CDC42SE2: variants seen among roughly 807,000 people sequenced by gnomAD.
The protein encoded by CDC42SE2 is CDC42 small effector 2.
In CDC42SE2, 3 loss-of-function variants were observed where a neutral mutation model predicts 11.5. That is an observed-to-expected ratio of 0.26 (90% CI 0.12 to 0.67). The LOEUF (loss-of-function observed/expected upper bound fraction) is 0.67, where lower values mean the gene tolerates loss of function less well. CDC42SE2 is among the 30% of genes least tolerant of loss of function. CDC42SE2 has a pLI of 0.80. For missense variants in CDC42SE2, 82 were observed against 106.8 expected (o/e 0.77, Z 1.02); for synonymous variants, 33 against 34.8 (o/e 0.95, Z 0.18).
chr5:131,330,464 T>A (rs1421465305), intron 2 of CDC42SE2, among the ~76,000 whole-genome samples: 2 of 152,184 alleles, frequency 1.3e-5, no homozygotes, highest in African/African-American at 4.8e-5. Context: ...TCCTTATCCC[T>A]CCCATCTGAA....
intron 4 of CDC42SE2, among the ~76,000 whole-genome samples, chr5:131,389,771 G>A (rs752352096): frequency 3.3e-5 from 5 of 152,162 alleles, no homozygotes; most frequent in Admixed American, 6.5e-5. Context: ...TTGTGGAAGT[G>A]TGCAGGGCCC....
At chr5:131,264,289 CCTTGCCAGCCGCGCGCTGCGGGCTGTG>C in intron 1 of CDC42SE2, 123 bp downstream of exon 1, 1 of 152,408 alleles carries the variant, frequency 6.6e-6, no homozygotes, top group East Asian at 1.9e-4. Context: ...CGCGGCCCGG[CCTTGCCAGCCGCGCGCTGCGGGCTGTG>C]GGCTGAGCCT....
intron 1 of CDC42SE2, among the ~76,000 whole-genome samples, chr5:131,310,482 G>A (rs1646561103): frequency 6.6e-6 from 1 of 152,082 alleles, no homozygotes; most frequent in Admixed American, 6.5e-5. Flanking sequence ...GCAGAGCTGA[G>A]TTCAATTCCT....
Position 131,320,707 on chromosome 5 carries a change from C to T in CDC42SE2, c.-286+4563C>T, listed in dbSNP as rs544633190. Among the ~76,000 whole-genome samples the T allele has an allele frequency of 1.7e-4, 26 of 152,168 alleles. No homozygotes were observed. In the East Asian group the frequency reaches 3.7e-3, roughly 22 times the overall value. Reference sequence around the variant, plus strand: ...AGTGAGCTGAGATTGCGCCACTGCACTCCAGCCTGGGCGACAGAGCGAGAC... The same window carrying T: ...AGTGAGCTGAGATTGCGCCACTGCATTCCAGCCTGGGCGACAGAGCGAGAC... On this transcript the variant is annotated intron_variant, in intron 2 of 4. Transcript: ENST00000505065.
At chr5:131,258,899 C>T (rs1220134692) in intron 2 of CDC42SE2, among the ~76,000 whole-genome samples, 3 of 152,176 alleles carry the variant, frequency 2.0e-5, no homozygotes, top group Admixed American at 2.0e-4. Flanking sequence ...CCACAGCACT[C>T]GGTATGCTAC....
At chr5:131,363,428 G>C (rs1749768399) in intron 3 of CDC42SE2, among the ~76,000 whole-genome samples, 1 of 152,122 alleles carries the variant, frequency 6.6e-6, no homozygotes, top group South Asian at 2.1e-4. Context: ...CTAGGCTGGA[G>C]TGCAATGGTG....
intron 1 of CDC42SE2, among the ~76,000 whole-genome samples, chr5:131,296,488 C>T (rs2149713003): frequency 6.6e-6 from 1 of 152,274 alleles, no homozygotes; most frequent in South Asian, 2.1e-4. Context: ...CTTGCTTTAC[C>T]TTAGCTTCAG....
At chr5:131,331,858 G>C (rs1400273025) in intron 2 of CDC42SE2, among the ~76,000 whole-genome samples, 1 of 152,024 alleles carries the variant, frequency 6.6e-6, no homozygotes, top group East Asian at 1.9e-4. Flanking sequence ...TCTTTTTTGA[G>C]TATGAAAATA....
At chr5:131,384,890 G>A (rs942549160) in intron 3 of CDC42SE2, among the ~76,000 whole-genome samples, 2 of 145,174 alleles carry the variant, frequency 1.4e-5, no homozygotes, top group African/African-American at 5.1e-5. Context: ...GACCAGCCTG[G>A]GTAACATAGC....
At chr5:131,348,029 G>A (rs928919488) in intron 2 of CDC42SE2, among the ~76,000 whole-genome samples, 2 of 152,150 alleles carry the variant, frequency 1.3e-5, no homozygotes, top group Non-Finnish European at 2.9e-5. Flanking sequence ...CACACCCACA[G>A]CCAGTATCAT....
intron 2 of CDC42SE2, among the ~76,000 whole-genome samples, chr5:131,346,792 T>C (rs1001541551): frequency 2.0e-5 from 3 of 152,166 alleles, no homozygotes; most frequent in African/African-American, 4.8e-5. Context: ...ACAGAAATTA[T>C]AACAAACTGT....
chr5:131,217,670 T>C, the CDC42SE2 span, among the ~76,000 whole-genome samples: 1 of 150,990 alleles, frequency 6.6e-6, no homozygotes, highest in East Asian at 2.0e-4. Context: ...AGGCAAAGAG[T>C]TCCCATCTAT....
chr5:131,288,347 G>A (rs1757384045), intron 1 of CDC42SE2, among the ~76,000 whole-genome samples: 1 of 152,114 alleles, frequency 6.6e-6, no homozygotes, highest in Admixed American at 6.6e-5. Context: ...AAAGTTTTGA[G>A]AATGCTAGAA....
chr5:131,361,069 GTTTGT>G (rs1404242328), intron 3 of CDC42SE2, among the ~76,000 whole-genome samples: 2 of 133,048 alleles, frequency 1.5e-5, no homozygotes, highest in African/African-American at 5.6e-5. Flanking sequence ...GAGTTTGTTT[GTTTGT>G]TTTTTTTTTT....
At chr5:131,261,709 G>A (rs1354453473), upstream of CDC42SE2, 1 of 152,190 alleles carries the variant, frequency 6.6e-6, no homozygotes, top group Non-Finnish European at 1.5e-5. Flanking sequence ...AATTAGCTAG[G>A]TGTAGTAGTG....
intron 2 of CDC42SE2, among the ~76,000 whole-genome samples, chr5:131,329,876 T>A (rs1758379735): frequency 8.5e-5 from 2 of 23,482 alleles, no homozygotes; most frequent in Non-Finnish European, 1.1e-4. Context: ...TGAAACTCCA[T>A]CTCAAAAAAA....
At chr5:131,370,584 A>G (rs1349937183) in intron 3 of CDC42SE2, among the ~76,000 whole-genome samples, 1 of 151,910 alleles carries the variant, frequency 6.6e-6, no homozygotes, top group East Asian at 1.9e-4. Context: ...CAGCCTCCCA[A>G]AGTGCTGGGA....
chr5:131,329,186 A>AGGG (rs1437195947), intron 2 of CDC42SE2, among the ~76,000 whole-genome samples: 1 of 152,212 alleles, frequency 6.6e-6, no homozygotes, highest in Non-Finnish European at 1.5e-5. Context: ...GGGGCAATCA[A>AGGG]GGGGGAGGGA....
At chr5:131,281,279 T>C (rs1344309467) in intron 1 of CDC42SE2, among the ~76,000 whole-genome samples, 4 of 152,194 alleles carry the variant, frequency 2.6e-5, no homozygotes, top group African/African-American at 7.2e-5. Flanking sequence ...TGCTACTTCC[T>C]GAATGGTGTA....
Sources: allele counts gnomAD v4.1 joint callset (sites outside exome capture counted in the v4.1 genomes callset), GRCh38; gene constraint gnomAD v4.1.1; transcripts MANE v1.5; gene names NCBI Gene and HGNC (gene_info 2026-07-23, HGNC 2026-07-21).